The following GLRA3 variants were observed in gnomAD, a reference collection of about 807,000 sequenced individuals.
The protein encoded by GLRA3 is glycine receptor alpha 3.
GLRA3 carries 44 observed loss-of-function variants against 60.4 expected under a neutral mutation model. That is an observed-to-expected ratio of 0.73 (90% CI 0.57 to 0.94). GLRA3 has a LOEUF of 0.94. GLRA3 is among the 40% of genes least tolerant of loss of function. GLRA3 has a pLI of 0.00. For missense variants in GLRA3, 508 were observed against 564.6 expected (o/e 0.90, Z 1.02); for synonymous variants, 223 against 192.9 (o/e 1.16, Z -1.29).
intron 1 of GLRA3, among the ~76,000 whole-genome samples, chr4:174,823,243 C>A (rs567573260): frequency 7.5e-5 from 5 of 66,966 alleles, no homozygotes; most frequent in South Asian, 5.4e-4. Context: ...AACTAAAACT[C>A]AAAAAAAAAA....
intron 4 of GLRA3, among the ~76,000 whole-genome samples, chr4:174,726,074 G>T (rs1421885770): frequency 6.6e-6 from 1 of 152,208 alleles, no homozygotes; most frequent in African/African-American, 2.4e-5. Flanking sequence ...GGATGTCCCA[G>T]GTGTAAGCAT....
chr4:174,648,960 C>T (rs1198479727), intron 9 of GLRA3, among the ~76,000 whole-genome samples: 2 of 152,116 alleles, frequency 1.3e-5, no homozygotes, highest in Non-Finnish European at 2.9e-5. Context: ...ACTAAGGAAC[C>T]CTGTTCGATC....
intron 1 of GLRA3, among the ~76,000 whole-genome samples, chr4:174,806,766 T>C (rs1184218977): frequency 6.6e-6 from 1 of 151,998 alleles, no homozygotes; most frequent in Non-Finnish European, 1.5e-5. Context: ...CTGGAATCAA[T>C]CCCTTGTGGA....
intron 1 of GLRA3, among the ~76,000 whole-genome samples, chr4:174,805,668 T>G (rs888832035): frequency 6.6e-6 from 1 of 152,170 alleles, no homozygotes; most frequent in Admixed American, 6.6e-5. Context: ...CAGGTATTTA[T>G]TGTTGTTTTA....
intron 1 of GLRA3, among the ~76,000 whole-genome samples, chr4:174,809,437 A>G (rs530995552): frequency 4.3e-4 from 65 of 152,362 alleles, no homozygotes; most frequent in African/African-American, 1.5e-3. Flanking sequence ...GTGAACATTT[A>G]AAAATGATTG....
chr4:174,729,943 G>A (rs909809367), intron 3 of GLRA3, among the ~76,000 whole-genome samples: 2 of 152,114 alleles, frequency 1.3e-5, no homozygotes, highest in African/African-American at 4.8e-5. Context: ...GTTATTGGTA[G>A]GTCAAAGTCA....
At chr4:174,665,476 C>T (rs1733632687) in intron 7 of GLRA3, among the ~76,000 whole-genome samples, 1 of 152,054 alleles carries the variant, frequency 6.6e-6, no homozygotes, top group Non-Finnish European at 1.5e-5. Context: ...CTGGCTAGCA[C>T]CACTTGAATG....
At chr4:174,656,477 T>A (rs550732621) in intron 9 of GLRA3, among the ~76,000 whole-genome samples, 8 of 152,260 alleles carry the variant, frequency 5.3e-5, no homozygotes, top group African/African-American at 1.7e-4. Flanking sequence ...CATATATTTT[T>A]AAATCATTTT....
intron 6 of GLRA3, among the ~76,000 whole-genome samples, chr4:174,682,255 C>T (rs1734373816): frequency 6.6e-6 from 1 of 151,972 alleles, no homozygotes; most frequent in African/African-American, 2.4e-5. Context: ...CAGAATTTGC[C>T]GATGTACAAA....
At chr4:174,645,796 C>G (rs1200651260) in intron 9 of GLRA3, among the ~76,000 whole-genome samples, 2 of 152,140 alleles carry the variant, frequency 1.3e-5, no homozygotes, top group Non-Finnish European at 2.9e-5. Context: ...TTCATTTAGA[C>G]TACCATTTCT....
chr4:174,749,238 C>T (rs932416613), intron 3 of GLRA3, among the ~76,000 whole-genome samples: 1 of 152,072 alleles, frequency 6.6e-6, no homozygotes, highest in African/African-American at 2.4e-5. Context: ...GCTTACAAGC[C>T]AAATCTGTGG....
At chr4:174,780,027 T>A in intron 2 of GLRA3, among the ~76,000 whole-genome samples, 2 of 142,022 alleles carry the variant, frequency 1.4e-5, no homozygotes, top group African/African-American at 5.2e-5. Context: ...TCACCAAAGT[T>A]GAAATGAAGG....
At chr4:174,762,375 C>T (rs564587143) in intron 3 of GLRA3, among the ~76,000 whole-genome samples, 6 of 152,172 alleles carry the variant, frequency 3.9e-5, no homozygotes, top group Non-Finnish European at 4.4e-5. Flanking sequence ...ATCTGGACCA[C>T]CTATAGCCAG....
intron 5 of GLRA3, among the ~76,000 whole-genome samples, chr4:174,699,037 G>A (rs1260715093): frequency 4.1e-5 from 6 of 145,198 alleles, no homozygotes; most frequent in Non-Finnish European, 6.0e-5. Context: ...TTGCTTTGTT[G>A]CCCGGGCTGG....
chr4:174,726,860 GGGTGGACTTTT>G (rs1736346218), intron 4 of GLRA3, among the ~76,000 whole-genome samples: 1 of 151,966 alleles, frequency 6.6e-6, no homozygotes, highest in East Asian at 1.9e-4. Context: ...GTTGGGGGAG[GGGTGGACTTTT>G]GGTAATTTTT....
intron 2 of GLRA3, among the ~76,000 whole-genome samples, chr4:174,780,595 C>T (rs1303136295): frequency 6.7e-6 from 1 of 149,020 alleles, no homozygotes; most frequent in Non-Finnish European, 1.5e-5. Flanking sequence ...CACACATAGG[C>T]TCAAAATAAA....
chr4:174,662,840 T>C lies in GLRA3; in HGVS notation c.928-3643A>G, dbSNP rs1021372859. Among the ~76,000 whole-genome samples, 62 of 125,570 alleles carry C rather than the reference T, an allele frequency of 4.9e-4. 1 individual carries two copies. The highest frequency in any genetic ancestry group is 1.3e-3 in the African/African-American group (50 of 37,622). The allele number at this position is 125,570 out of a possible 152,430, so 82.4% of individuals were successfully genotyped here. A position where few individuals can be genotyped will look rare whatever the true frequency, so the allele number is the denominator to read the frequency against. On this transcript the variant is annotated intron_variant, in intron 7 of 9. Coordinates refer to ENST00000274093, the MANE Select transcript of GLRA3 (RefSeq NM_006529.4). Reference sequence around the variant, plus strand: ...TATTCCTTGTTTTTTTTTTTTTCTTTTTTTTTTTTTCCTGTTTGTAATGTG... The same window carrying C: ...TATTCCTTGTTTTTTTTTTTTTCTTCTTTTTTTTTTCCTGTTTGTAATGTG...
At chr4:174,661,670 C>T (rs1261035394) in intron 7 of GLRA3, among the ~76,000 whole-genome samples, 1 of 152,166 alleles carries the variant, frequency 6.6e-6, no homozygotes, top group Non-Finnish European at 1.5e-5. Flanking sequence ...AACTATTTAT[C>T]CTGCTCCATA....
intron 5 of GLRA3, among the ~76,000 whole-genome samples, chr4:174,686,585 G>A (rs542333968): frequency 6.6e-6 from 1 of 152,194 alleles, no homozygotes; most frequent in Non-Finnish European, 1.5e-5. Flanking sequence ...CTAGGCTTCA[G>A]GCAATGTGAG....
Sources: gnomAD v4.1 joint callset for allele counts (sites outside exome capture counted in the v4.1 genomes callset) on GRCh38, gnomAD v4.1.1 for gene constraint, MANE v1.5 for transcripts, NCBI Gene and HGNC (gene_info 2026-07-23, HGNC 2026-07-21) for gene names.